GRIN3A: variants seen among roughly 807,000 people sequenced by gnomAD.
The protein encoded by GRIN3A is glutamate receptor ionotropic, NMDA 3A.
Under a neutral mutation model 92.4 loss-of-function variants are expected in GRIN3A, and 47 were observed. That is an observed-to-expected ratio of 0.51 (90% CI 0.40 to 0.65). The LOEUF (loss-of-function observed/expected upper bound fraction) is 0.65, where lower values mean the gene tolerates loss of function less well. Ranked by LOEUF, GRIN3A falls within the 30% of genes least tolerant of loss-of-function variation. The pLI, the probability that GRIN3A is intolerant of heterozygous loss-of-function variation, is 0.00. For synonymous variants in GRIN3A, 527 were observed against 540.6 expected (o/e 0.97, Z 0.35); for missense variants, 1,324 against 1,393.1 (o/e 0.95, Z 0.79).
intron 3 of GRIN3A, among the ~76,000 whole-genome samples, chr9:101,663,376 A>C (rs1829200856): frequency 6.6e-6 from 1 of 151,764 alleles, no homozygotes; most frequent in African/African-American, 2.4e-5. Context: ...GACAGTGTCT[A>C]TTTTGCTTAC....
At chr9:101,701,446 T>C (rs1199185546) in intron 1 of GRIN3A, among the ~76,000 whole-genome samples, 1 of 152,046 alleles carries the variant, frequency 6.6e-6, no homozygotes, top group Non-Finnish European at 1.5e-5. Flanking sequence ...TAGCTCCCAC[T>C]TGTAAGTGAG....
intron 3 of GRIN3A, among the ~76,000 whole-genome samples, chr9:101,648,823 G>T (rs1460480133): frequency 6.6e-6 from 1 of 151,932 alleles, no homozygotes; most frequent in East Asian, 1.9e-4. Flanking sequence ...TGAGGAGACA[G>T]CCATCTCTTC....
At chr9:101,610,370 T>G (rs1291677052) in intron 6 of GRIN3A, among the ~76,000 whole-genome samples, 1 of 152,220 alleles carries the variant, frequency 6.6e-6, no homozygotes, top group Non-Finnish European at 1.5e-5. Context: ...GAGAAATGTT[T>G]TTGCATCTTG....
intron 1 of GRIN3A, among the ~76,000 whole-genome samples, chr9:101,722,373 G>A (rs912570550): frequency 3.9e-5 from 6 of 152,232 alleles, no homozygotes; most frequent in Admixed American, 2.0e-4. Context: ...TGCTAGGGCA[G>A]TGCAGAAGGG....
chr9:101,623,449 G>C lies in GRIN3A; in HGVS notation c.2499-16C>G, dbSNP rs752487894. The C allele has an allele frequency of 7.0e-5, 105 of 1,499,690 alleles. No homozygotes were observed. Among genetic ancestry groups the C allele is most frequent in the Non-Finnish European group, 9.4e-5 (101 of 1,076,022 alleles). 92.9% of individuals were successfully genotyped at this position (1,499,690 alleles called of 1,614,324 possible). On this transcript the variant is annotated splice_polypyrimidine_tract_variant and intron_variant, in intron 4 of 8. Coordinates refer to ENST00000361820, the MANE Select transcript of GRIN3A (RefSeq NM_133445.3). ...TGGATCATTCCTATATTTAAGACCAGAGGAGAAAAGTGAAAATGATTCATT... is the reference window on the plus strand; with the variant it reads ...TGGATCATTCCTATATTTAAGACCACAGGAGAAAAGTGAAAATGATTCATT...
At chr9:101,683,436 A>G (rs1829488125) in intron 2 of GRIN3A, among the ~76,000 whole-genome samples, 1 of 152,236 alleles carries the variant, frequency 6.6e-6, no homozygotes, top group Non-Finnish European at 1.5e-5. Flanking sequence ...TGGACTGAGA[A>G]TAACTTACTT....
intron 3 of GRIN3A, among the ~76,000 whole-genome samples, chr9:101,657,627 T>G (rs953032780): frequency 6.6e-6 from 1 of 151,892 alleles, no homozygotes; most frequent in Admixed American, 6.6e-5. Flanking sequence ...CATTTGGAGA[T>G]GTCTAACTGC....
intron 8 of GRIN3A, among the ~76,000 whole-genome samples, chr9:101,575,030 T>G (rs1273748029): frequency 1.3e-5 from 2 of 152,236 alleles, no homozygotes; most frequent in East Asian, 3.8e-4. Flanking sequence ...AACTGCACAG[T>G]TGATCCATGA....
At chr9:101,687,709 C>T (rs1240529056) in intron 1 of GRIN3A, among the ~76,000 whole-genome samples, 1 of 152,100 alleles carries the variant, frequency 6.6e-6, no homozygotes, top group African/African-American at 2.4e-5. Flanking sequence ...AACTTCCAGC[C>T]CCTTGAGGAA....
At chr9:101,676,875 C>G (rs893414254) in intron 2 of GRIN3A, among the ~76,000 whole-genome samples, 1 of 137,436 alleles carries the variant, frequency 7.3e-6, no homozygotes, top group African/African-American at 2.7e-5. Flanking sequence ...TTTTTTTTTT[C>G]TGTGAGAAAG....
rs1827753695 is a variant in GRIN3A at position 101,571,174 on chromosome 9, G to A, written c.*2000C>T. On this transcript the variant is annotated 3_prime_UTR_variant, in exon 9 of 9. Transcript: ENST00000361820. The stretch of plus-strand genomic sequence containing the variant: ...CAGAACTGTCCTTTTGTGTTTTCAG[G>A]GCTCACCTGTTTCCTCATTATTGAA... 6.6e-6 allele frequency: 1 copy of A among 152,124 alleles called. No individual in the cohort carries two copies. Among genetic ancestry groups the A allele is most frequent in the African/African-American group, 2.4e-5 (1 of 41,402 alleles). The allele number at this position is 152,124 out of a possible 1,614,324, so 9.4% of individuals were successfully genotyped here. A position where few individuals can be genotyped will look rare whatever the true frequency, so the allele number is the denominator to read the frequency against.
chr9:101,629,659 TCAA>T (rs1828686856), intron 3 of GRIN3A, among the ~76,000 whole-genome samples: 1 of 152,310 alleles, frequency 6.6e-6, no homozygotes, highest in Non-Finnish European at 1.5e-5. Flanking sequence ...TAATGCCACA[TCAA>T]CAATAATAAC....
At chr9:101,701,617 A>G (rs1345100213) in intron 1 of GRIN3A, among the ~76,000 whole-genome samples, 2 of 152,220 alleles carry the variant, frequency 1.3e-5, no homozygotes, top group Non-Finnish European at 1.5e-5. Context: ...CCTTGACAAT[A>G]CCATTCAGGA....
chr9:101,644,869 T>C (rs922469532), intron 3 of GRIN3A, among the ~76,000 whole-genome samples: 1 of 151,884 alleles, frequency 6.6e-6, no homozygotes, highest in Non-Finnish European at 1.5e-5. Flanking sequence ...TTTCCCTCTA[T>C]TTTTTATTAA....
At chr9:101,638,591 A>G (rs372404988) in intron 3 of GRIN3A, among the ~76,000 whole-genome samples, 4 of 152,330 alleles carry the variant, frequency 2.6e-5, no homozygotes, top group African/African-American at 9.6e-5. Flanking sequence ...CACACAAAGC[A>G]TGGGATATTA....
At chr9:101,584,419 G>A (rs547889750) in intron 6 of GRIN3A, among the ~76,000 whole-genome samples, 1 of 152,302 alleles carries the variant, frequency 6.6e-6, no homozygotes, top group African/African-American at 2.4e-5. Flanking sequence ...ACTGTACTCT[G>A]CATGTTGCAT....
At chr9:101,648,361 A>G (rs1364091664) in intron 3 of GRIN3A, among the ~76,000 whole-genome samples, 1 of 151,904 alleles carries the variant, frequency 6.6e-6, no homozygotes, top group Non-Finnish European at 1.5e-5. Flanking sequence ...AATTTTGTTG[A>G]CTTGTTTTGT....
intron 1 of GRIN3A, among the ~76,000 whole-genome samples, chr9:101,709,723 A>T (rs1445571241): frequency 6.6e-6 from 1 of 152,230 alleles, no homozygotes; most frequent in African/African-American, 2.4e-5. Flanking sequence ...GACTGAAATT[A>T]CTTTGCAAAT....
chr9:101,614,609 CTTTTTTTTTTTTTT>C (rs754003481), intron 5 of GRIN3A, among the ~76,000 whole-genome samples: 6 of 83,050 alleles, frequency 7.2e-5, no homozygotes, highest in South Asian at 4.2e-4. Flanking sequence ...ATATGTGATA[CTTTTTTTTTTTTTT>C]TTTTTTTTTT....
Sources: gnomAD v4.1 joint callset for allele counts (sites outside exome capture counted in the v4.1 genomes callset) on GRCh38, gnomAD v4.1.1 for gene constraint, MANE v1.5 for transcripts, NCBI Gene and HGNC (gene_info 2026-07-23, HGNC 2026-07-21) for gene names.